Variants in CNST observed in about 807,000 individuals in gnomAD.
CNST encodes the protein consortin, connexin sorting protein.
A neutral mutation model predicts 72.4 loss-of-function variants in CNST; 39 were observed. The observed-to-expected ratio is 0.54, with a 90% confidence interval of 0.42 to 0.70. CNST has a LOEUF of 0.70. Ranked by LOEUF, CNST falls within the 30% of genes least tolerant of loss-of-function variation. The pLI, the probability that CNST is intolerant of heterozygous loss-of-function variation, is 0.00. For missense variants in CNST, 871 were observed against 868.5 expected (o/e 1.00, Z -0.04); for synonymous variants, 332 against 320.1 (o/e 1.04, Z -0.40).
At chr1:246,634,822 G>A (rs1451434663) in intron 6 of CNST, among the ~76,000 whole-genome samples, 1 of 152,234 alleles carries the variant, frequency 6.6e-6, no homozygotes, top group African/African-American at 2.4e-5. Context: ...CAGACGGGCT[G>A]AGGCCTAAAA....
At chr1:246,653,918 T>A (rs1345070792) in intron 9 of CNST, among the ~76,000 whole-genome samples, 1 of 152,176 alleles carries the variant, frequency 6.6e-6, no homozygotes, top group East Asian at 1.9e-4. Context: ...TGAAATGAGT[T>A]AGGTGTAGAG....
Position 246,647,969 on chromosome 1 carries a change from G to A in CNST, c.1768G>A (p.Glu590Lys), listed in dbSNP as rs1370395963. The A allele has an allele frequency of 6.2e-7, 1 of 1,613,740 alleles. No homozygotes were observed. Among genetic ancestry groups the A allele is most frequent in the Non-Finnish European group, 8.5e-7 (1 of 1,180,028 alleles). The change falls in exon 9 of 11, where the codon GAG becomes AAG. Residue 590 changes from glutamate to lysine, a missense_variant. Glu to Lys is a moderately conservative substitution (Grantham distance 56). Transcript: ENST00000366513. ...TGAAGAAGCATCCTATAGTCTCCAG[G>A]AGAATCTGCCTTCTGATGAGAGCTG... ...SPEEASYSLQ[E>K]NLPSDESCLS...
At chr1:246,605,707 TAGGTGTCTTCCG>T (rs1250576477) in intron 2 of CNST, among the ~76,000 whole-genome samples, 6 of 100,384 alleles carry the variant, frequency 6.0e-5, no homozygotes, top group South Asian at 4.0e-4. Context: ...CCGGCCGGGG[TAGGTGTCTTCCG>T]GCCGGGGTAG....
chr1:246,646,156 T>C (rs1666051495), intron 8 of CNST, among the ~76,000 whole-genome samples: 2 of 151,518 alleles, frequency 1.3e-5, no homozygotes, highest in Non-Finnish European at 2.9e-5. Context: ...GGCGGGCGCC[T>C]GTAGTCCCAG....
intron 9 of CNST, among the ~76,000 whole-genome samples, chr1:246,655,545 G>A (rs1193277895): frequency 1.3e-5 from 2 of 152,016 alleles, no homozygotes; most frequent in Non-Finnish European, 2.9e-5. Flanking sequence ...GGGCAAATTT[G>A]GCCATTAGTT....
At chr1:246,623,069 C>T (rs1008111878) in intron 3 of CNST, among the ~76,000 whole-genome samples, 21 of 152,160 alleles carry the variant, frequency 1.4e-4, no homozygotes, top group African/African-American at 5.1e-4. Flanking sequence ...GTGATCCACC[C>T]GCCTCGGCCT....
At chr1:246,622,520 G>A (rs973993450) in intron 3 of CNST, among the ~76,000 whole-genome samples, 17 of 152,358 alleles carry the variant, frequency 1.1e-4, no homozygotes, top group African/African-American at 3.4e-4. Context: ...TGTGAAAGCC[G>A]TGGCTGGGAT....
At position 246,647,421 on chromosome 1, in the gene CNST, C is replaced by A. The variant is rs1212857401; in HGVS notation, c.1220C>A (p.Ala407Asp). Reference protein sequence around the residue: ...DSRLQLAQTEACQDVARIEGI... With the variant: ...DSRLQLAQTEDCQDVARIEGI... ...CGCTTGCAGCTGGCTCAAACAGAGG[C>A]CTGCCAGGATGTGGCCAGAATAGAG... The change falls in exon 9 of 11, where the codon GCC (alanine) becomes GAC (aspartate). Residue 407 changes from alanine (A) to aspartate (D), a missense_variant. Coordinates refer to ENST00000366513, the MANE Select transcript of CNST (RefSeq NM_152609.3). The A allele has an allele frequency of 6.2e-7, 1 of 1,614,024 alleles. No homozygotes were observed.
At chr1:246,660,406 T>C in intron 10 of CNST, 72 bp downstream of exon 10, 4 of 1,509,250 alleles carry the variant, frequency 2.7e-6, no homozygotes, top group Admixed American at 2.0e-5. Flanking sequence ...TTGTGAATGA[T>C]GTGACGTTTA....
At chr1:246,648,624 C>T (rs1004651688) in intron 9 of CNST, among the ~76,000 whole-genome samples, 5 of 152,020 alleles carry the variant, frequency 3.3e-5, no homozygotes, top group African/African-American at 1.2e-4. Flanking sequence ...AGATAAAAGC[C>T]ATATCCAAAC....
At chr1:246,597,592 A>G (rs1021786015) in intron 2 of CNST, among the ~76,000 whole-genome samples, 1 of 152,242 alleles carries the variant, frequency 6.6e-6, no homozygotes, top group African/African-American at 2.4e-5. Context: ...TGGGAAGGGA[A>G]GACCTTTCTC....
intron 3 of CNST, among the ~76,000 whole-genome samples, chr1:246,628,509 A>T (rs1664587567): frequency 6.6e-6 from 1 of 152,204 alleles, no homozygotes; most frequent in South Asian, 2.1e-4. Flanking sequence ...GGAACTCTTA[A>T]AAGTTCTGTT....
intron 6 of CNST, among the ~76,000 whole-genome samples, chr1:246,638,123 A>C (rs1286982018): frequency 6.6e-6 from 1 of 152,210 alleles, no homozygotes; most frequent in Non-Finnish European, 1.5e-5. Context: ...TGTAGCCGAC[A>C]TGGAAAGAGT....
intron 10 of CNST, among the ~76,000 whole-genome samples, chr1:246,661,664 A>G (rs1273211123): frequency 1.3e-5 from 2 of 152,224 alleles, no homozygotes; most frequent in South Asian, 2.1e-4. Context: ...AAATATGTTT[A>G]TCTAAGGTGT....
chr1:246,569,981 T>G (rs1399084066), intron 1 of CNST: 18 of 911,146 alleles, frequency 2.0e-5, no homozygotes, highest in Non-Finnish European at 2.4e-5. Flanking sequence ...ATTTTCTGAG[T>G]CAGTTTCAGG....
At chr1:246,574,362 GATAA>G (rs1003645361) in intron 1 of CNST, among the ~76,000 whole-genome samples, 1 of 152,120 alleles carries the variant, frequency 6.6e-6, no homozygotes, top group Non-Finnish European at 1.5e-5. Flanking sequence ...TTTTTAAAAA[GATAA>G]ATAAATTTTA....
intron 1 of CNST, among the ~76,000 whole-genome samples, chr1:246,567,251 C>G (rs981272202): frequency 6.6e-6 from 1 of 152,128 alleles, no homozygotes; most frequent in African/African-American, 2.4e-5. Context: ...TTACTGTATT[C>G]CTTATGTAAA....
At chr1:246,616,414 C>G (rs779605541) in intron 2 of CNST, among the ~76,000 whole-genome samples, 1 of 152,134 alleles carries the variant, frequency 6.6e-6, no homozygotes, top group African/African-American at 2.4e-5. Context: ...AAAAATCATC[C>G]GGGCTTGGTG....
intron 9 of CNST, among the ~76,000 whole-genome samples, chr1:246,655,649 T>C (rs1470519316): frequency 6.6e-6 from 1 of 152,186 alleles, no homozygotes; most frequent in Non-Finnish European, 1.5e-5. Context: ...TTGTAATATA[T>C]ATTATAGCAT....
Sources: gnomAD v4.1 joint callset for allele counts (sites outside exome capture counted in the v4.1 genomes callset) on GRCh38, gnomAD v4.1.1 for gene constraint, MANE v1.5 for transcripts, NCBI Gene and HGNC (gene_info 2026-07-23, HGNC 2026-07-21) for gene names.